KLHL14: variants seen among roughly 807,000 people sequenced by gnomAD.
The protein encoded by KLHL14 is kelch-like protein 14.
In KLHL14, 22 loss-of-function variants were observed where a neutral mutation model predicts 64.3. The ratio of observed to expected loss-of-function variants is 0.34; its 90% CI spans 0.24 to 0.49. The LOEUF is 0.49. Among genes scored for constraint, KLHL14 ranks in the 20% least tolerant of loss-of-function variants. KLHL14 has a pLI of 0.99. For synonymous variants in KLHL14, 322 were observed against 333.4 expected, an observed-to-expected ratio of 0.97 and a Z score of 0.37; for missense variants, 661 against 789.0, an observed-to-expected ratio of 0.84 and a Z score of 1.94.
chr18:32,696,847 G>A (rs1263675449), intron 3 of KLHL14, among the ~76,000 whole-genome samples: 1 of 152,178 alleles, frequency 6.6e-6, no homozygotes, highest in Admixed American at 6.5e-5. Flanking sequence ...ACAGGTTTGA[G>A]ACTCATAACA....
intron 7 of KLHL14, among the ~76,000 whole-genome samples, chr18:32,678,070 G>A (rs1331292707): frequency 6.6e-6 from 1 of 152,136 alleles, no homozygotes; most frequent in Non-Finnish European, 1.5e-5. Flanking sequence ...AGAAGGCTGA[G>A]TAACTTTCAC....
intron 4 of KLHL14, among the ~76,000 whole-genome samples, chr18:32,694,509 A>G (rs1302371839): frequency 6.6e-6 from 1 of 152,238 alleles, no homozygotes; most frequent in Non-Finnish European, 1.5e-5. Context: ...ACAAAGCTGC[A>G]GGTCTTGAGA....
rs1200775222 is a variant in KLHL14 at position 32,770,662 on chromosome 18, G to A, written c.-43-28C>T. On this transcript the variant is annotated intron_variant, in intron 1 of 8. Transcript: ENST00000359358. The surrounding 1 kb of genome is among the most constrained non-coding windows in gnomAD (Gnocchi z 6.7). ...GGCAGACAGGGGTGGGGGATGGGAG[G>A]GAGGGGAGCAGGGTGGTGGAGCGGG... 3 of 1,242,760 alleles carry A rather than the reference G, an allele frequency of 2.4e-6. No individual in the cohort carries two copies. Among genetic ancestry groups the A allele is most frequent in the African/African-American group, 1.5e-5 (1 of 65,504 alleles). 77.0% of individuals were successfully genotyped at this position (1,242,760 alleles called of 1,614,324 possible). A position where few individuals can be genotyped will look rare whatever the true frequency, so the allele number is the denominator to read the frequency against.
At position 32,765,864 on chromosome 18, in the gene KLHL14, T is replaced by C. The variant is rs181082203; in HGVS notation, c.947+3781A>G. On this transcript the variant is annotated intron_variant, in intron 2 of 8. Transcript: ENST00000359358. ...TTATGAGAAATCTATAAATAGACTA[T>C]GTTTTGTAGTAAATGAAATCTTAGG... Among the ~76,000 whole-genome samples the C allele has an allele frequency of 2.4e-3, 363 of 152,256 alleles. 3 individuals carry two copies. Among genetic ancestry groups the C allele is most frequent in the African/African-American group, 7.5e-3 (312 of 41,588 alleles).
At chr18:32,717,500 A>G (rs2050052410) in intron 3 of KLHL14, among the ~76,000 whole-genome samples, 1 of 152,184 alleles carries the variant, frequency 6.6e-6, no homozygotes, top group African/African-American at 2.4e-5. Flanking sequence ...TTCTTCATTC[A>G]TGTAGTCAAT....
chr18:32,767,441 C>T (rs2050353084), intron 2 of KLHL14, among the ~76,000 whole-genome samples: 1 of 152,170 alleles, frequency 6.6e-6, no homozygotes, highest in Admixed American at 6.5e-5. Context: ...ATTTGCTTTT[C>T]TATATCTTTC....
At chr18:32,756,657 C>A (rs1833479196) in intron 2 of KLHL14, among the ~76,000 whole-genome samples, 1 of 152,096 alleles carries the variant, frequency 6.6e-6, no homozygotes, top group African/African-American at 2.4e-5. Flanking sequence ...CTGGAAAAAT[C>A]CCAAATCTTG....
At chr18:32,687,699 C>T (rs889407511) in intron 4 of KLHL14, among the ~76,000 whole-genome samples, 2 of 152,110 alleles carry the variant, frequency 1.3e-5, no homozygotes, top group African/African-American at 4.8e-5. Context: ...TCTTTCTTTT[C>T]AGAAAAAATT....
intron 3 of KLHL14, among the ~76,000 whole-genome samples, chr18:32,708,333 T>G (rs888368464): frequency 6.6e-6 from 1 of 152,112 alleles, no homozygotes; most frequent in African/African-American, 2.4e-5. Context: ...TTTTATTCCA[T>G]AGGGACATTT....
intron 3 of KLHL14, among the ~76,000 whole-genome samples, chr18:32,735,654 C>T (rs1210118822): frequency 6.6e-6 from 1 of 152,128 alleles, no homozygotes; most frequent in Non-Finnish European, 1.5e-5. Context: ...TTGATTAGAT[C>T]AGGACTCTCC....
intron 2 of KLHL14, among the ~76,000 whole-genome samples, chr18:32,754,991 G>T (rs534935630): frequency 2.0e-5 from 3 of 151,880 alleles, no homozygotes; most frequent in East Asian, 1.9e-4. Flanking sequence ...GGCCCTGGCG[G>T]GTGTGTGTGC....
chr18:32,768,960 C>T (rs1417675837), intron 2 of KLHL14, among the ~76,000 whole-genome samples: 1 of 152,220 alleles, frequency 6.6e-6, no homozygotes, highest in Non-Finnish European at 1.5e-5. Context: ...TTCACCCCAT[C>T]ACCCTGAAAT....
At chr18:32,741,176 C>T (rs1459521936) in intron 3 of KLHL14, among the ~76,000 whole-genome samples, 3 of 152,276 alleles carry the variant, frequency 2.0e-5, no homozygotes, top group Non-Finnish European at 4.4e-5. Context: ...ACCAGTGCAG[C>T]CACTGTGCCC....
At chr18:32,736,365 A>G (rs944721312) in intron 3 of KLHL14, among the ~76,000 whole-genome samples, 6 of 152,172 alleles carry the variant, frequency 3.9e-5, no homozygotes, top group African/African-American at 1.2e-4. Flanking sequence ...AGGTAAAATT[A>G]GATGCTAACA....
intron 3 of KLHL14, among the ~76,000 whole-genome samples, chr18:32,730,143 C>G (rs567267186): frequency 8.5e-5 from 13 of 152,326 alleles, no homozygotes; most frequent in African/African-American, 3.1e-4. Context: ...TGGCTTATAT[C>G]TAATGACAGA....
chr18:32,683,587 G>A lies in KLHL14; in HGVS notation c.1239-2988C>T, dbSNP rs2049854488. Among the ~76,000 whole-genome samples, 1 of 152,136 alleles carries A rather than the reference G, an allele frequency of 6.6e-6. No homozygotes were observed. The highest frequency in any genetic ancestry group is 1.5e-5 in the Non-Finnish European group (1 of 68,026). On this transcript the variant is annotated intron_variant, in intron 5 of 8. Coordinates refer to ENST00000359358, the MANE Select transcript of KLHL14 (RefSeq NM_020805.3). The surrounding 1 kb of genome is among the most constrained non-coding windows in gnomAD (Gnocchi z 4.2). ...AAGATTATTAAAGATTTCTTATTGG[G>A]ATTACACTGTTTCTGTTTCAAATTG... is the stretch of plus-strand genomic sequence containing the variant.
intron 4 of KLHL14, among the ~76,000 whole-genome samples, chr18:32,687,880 C>T (rs980114802): frequency 6.6e-6 from 1 of 152,080 alleles, no homozygotes; most frequent in African/African-American, 2.4e-5. Flanking sequence ...AAGAGCCTGA[C>T]TGGGAAAGTT....
intron 4 of KLHL14, among the ~76,000 whole-genome samples, chr18:32,692,735 C>T (rs185726015): frequency 1.3e-5 from 2 of 152,164 alleles, no homozygotes; most frequent in African/African-American, 4.8e-5. Flanking sequence ...AAGATGACTG[C>T]TCTGAAATCA....
At chr18:32,709,689 T>C (rs930200296) in intron 3 of KLHL14, among the ~76,000 whole-genome samples, 1 of 152,170 alleles carries the variant, frequency 6.6e-6, no homozygotes, top group Admixed American at 6.6e-5. Flanking sequence ...CCTCAAGTGA[T>C]TTATTTCTAT....
Sources: allele counts gnomAD v4.1 joint callset (sites outside exome capture counted in the v4.1 genomes callset), GRCh38; gene constraint gnomAD v4.1.1; non-coding constraint Gnocchi (gnomAD v3.1); transcripts MANE v1.5; gene names NCBI Gene and HGNC (gene_info 2026-07-23, HGNC 2026-07-21).